The following ARPC5 variants were observed in gnomAD, a reference collection of about 807,000 sequenced individuals.
ARPC5 encodes the protein actin related protein 2/3 complex subunit 5, also known as actin-related protein 2/3 complex subunit 5.
Under a neutral mutation model 15.4 loss-of-function variants are expected in ARPC5, and 5 were observed. The observed-to-expected ratio is 0.32, with a 90% CI of 0.17 to 0.68. ARPC5 has a LOEUF of 0.68. ARPC5 is among the 30% of genes least tolerant of loss of function. ARPC5 has a pLI of 0.71. For missense variants in ARPC5, 138 were observed against 192.8 expected (o/e 0.72, Z 1.68); for synonymous variants, 85 against 72.2 (o/e 1.18, Z -0.90).
Position 183,622,885 on chromosome 1 carries a change from C to A in ARPC5, c.*4647G>T, listed in dbSNP as rs958953010. On this transcript the variant is annotated 3_prime_UTR_variant, in exon 4 of 4. Transcript: ENST00000359856. ...GTATTTGAACCCAAGAATTATTTTACTCTTTGTATAGTTCTCAATTTGTAC... is the reference window on the plus strand; with the variant it reads ...GTATTTGAACCCAAGAATTATTTTAATCTTTGTATAGTTCTCAATTTGTAC... 10 of 153,298 alleles carry A rather than the reference C, an allele frequency of 6.5e-5. No homozygotes were observed. Among genetic ancestry groups the A allele is most frequent in the Admixed American group, 1.9e-4 (3 of 15,478 alleles). 9.5% of individuals were successfully genotyped at this position (153,298 alleles called of 1,614,324 possible).
intron 2 of ARPC5, chr1:183,632,520 A>T (rs1244185056): frequency 6.6e-6 from 1 of 152,278 alleles, no homozygotes; most frequent in African/African-American, 2.4e-5. Flanking sequence ...AAAATGCTAT[A>T]AACTTATTGC....
chr1:183,635,185 C>A (rs1649428050), intron 1 of ARPC5, among the ~76,000 whole-genome samples: 1 of 152,238 alleles, frequency 6.6e-6, no homozygotes. Context: ...CCGGGGCCGC[C>A]TTCCCCAGCG....
At position 183,625,608 on chromosome 1, in the gene ARPC5, G is replaced by GA. The variant is rs1385322187; in HGVS notation, c.*1923dup. The GA allele has an allele frequency of 6.6e-6, 1 of 152,274 alleles. No homozygotes were observed. The highest frequency in any genetic ancestry group is 6.5e-5 in the Admixed American group (1 of 15,280). 9.4% of individuals were successfully genotyped at this position (152,274 alleles called of 1,614,324 possible). On this transcript the variant is annotated 3_prime_UTR_variant, in exon 4 of 4. Coordinates refer to ENST00000359856, the MANE Select transcript of ARPC5 (RefSeq NM_005717.4). ...TGTAGTTCCACCTTTTCGGGAGGCT[G>GA]AGGCAGGACTGCTTGAAGCCAGGAG...
At position 183,626,026 on chromosome 1, in the gene ARPC5, T is replaced by A. The variant is rs1443047540; in HGVS notation, c.*1506A>T. The A allele has an allele frequency of 6.6e-6, 1 of 152,218 alleles. No individual in the cohort carries two copies. Among genetic ancestry groups the A allele is most frequent in the African/African-American group, 2.4e-5 (1 of 41,448 alleles). The allele number at this position is 152,218 out of a possible 1,614,324, so 9.4% of individuals were successfully genotyped here. A position where few individuals can be genotyped will look rare whatever the true frequency, so the allele number is the denominator to read the frequency against. ...GGAATCACTCCAAAGGCTTCAGTAG[T>A]GCTCTGACATCATTCATGACTCTCT... On this transcript the variant is annotated 3_prime_UTR_variant, in exon 4 of 4. Transcript: ENST00000359856.
At chr1:183,628,355 G>A (rs1185609872) in intron 3 of ARPC5, among the ~76,000 whole-genome samples, 1 of 151,990 alleles carries the variant, frequency 6.6e-6, no homozygotes, top group East Asian at 1.9e-4. Context: ...CCCAAAGAAA[G>A]AAGGTATTGT....
intron 1 of ARPC5, chr1:183,633,660 A>G (rs2254972): frequency 0.53 from 80,399 of 152,190 alleles, 22,715 homozygotes; most frequent in African/African-American, 0.74. Flanking sequence ...CACATTAGCA[A>G]TCTCTCAATA....
intron 3 of ARPC5, among the ~76,000 whole-genome samples, chr1:183,629,242 C>A (rs1649196157): frequency 6.6e-6 from 1 of 152,180 alleles, no homozygotes; most frequent in Non-Finnish European, 1.5e-5. Flanking sequence ...AATAAGTAAT[C>A]AATGTTCACT....
chr1:183,623,015 T>C lies in ARPC5; in HGVS notation c.*4517A>G, dbSNP rs1391847266. ...ATGTTATGCAACCAAGAGATATTTG[T>C]TGAACATCAACTATGCCAAGTGAAT... On this transcript the variant is annotated 3_prime_UTR_variant, in exon 4 of 4. Coordinates refer to ENST00000359856, the MANE Select transcript of ARPC5 (RefSeq NM_005717.4). 5.8e-6 allele frequency: 1 copy of C among 171,078 alleles called. No individual in the cohort carries two copies. The highest frequency in any genetic ancestry group is 2.4e-5 in the African/African-American group (1 of 42,016). 10.6% of individuals were successfully genotyped at this position (171,078 alleles called of 1,614,324 possible). A position where few individuals can be genotyped will look rare whatever the true frequency, so the allele number is the denominator to read the frequency against.
At position 183,625,415 on chromosome 1, in the gene ARPC5, A is replaced by G. The variant is rs773048766; in HGVS notation, c.*2117T>C. The stretch of plus-strand genomic sequence containing the variant: ...ATACACCCACCCATTCTTGTGAACA[A>G]ATATGAACTCCAGAATTTTTCCAAA... On this transcript the variant is annotated 3_prime_UTR_variant, in exon 4 of 4. Transcript: ENST00000359856. 29 of 152,252 alleles carry G rather than the reference A, an allele frequency of 1.9e-4. No homozygotes were observed. The highest frequency in any genetic ancestry group is 1.2e-4 in the African/African-American group (5 of 41,466). The allele number at this position is 152,252 out of a possible 1,614,324, so 9.4% of individuals were successfully genotyped here.
intron 3 of ARPC5, among the ~76,000 whole-genome samples, chr1:183,629,083 G>A (rs1177618166): frequency 1.3e-5 from 2 of 152,188 alleles, no homozygotes; most frequent in African/African-American, 4.8e-5. Context: ...GTAAAAACTG[G>A]TGACTGACAT....
At chr1:183,632,973 T>G in intron 2 of ARPC5, 109 bp downstream of exon 2, 3 of 848,330 alleles carry the variant, frequency 3.5e-6, no homozygotes, top group Non-Finnish European at 5.6e-6. Flanking sequence ...AACTCTTCTA[T>G]GTCAAAGATA....
chr1:183,627,518 C>T lies in ARPC5; in HGVS notation c.*14G>A, dbSNP rs1558121037. 1.2e-6 allele frequency: 2 copies of T among 1,611,948 alleles called. No individual in the cohort carries two copies. The highest frequency in any genetic ancestry group is 1.1e-5 in the South Asian group (1 of 91,032). On this transcript the variant is annotated 3_prime_UTR_variant, in exon 4 of 4. Transcript: ENST00000359856. Reference sequence around the variant, plus strand: ...ATTCCCACTCCCGAGGCAGATAATCCACTTCCTGCCAGACTACACAGTTTT... The same window carrying T: ...ATTCCCACTCCCGAGGCAGATAATCTACTTCCTGCCAGACTACACAGTTTT...
Position 183,622,976 on chromosome 1 carries a change from A to G in ARPC5, c.*4556T>C, listed in dbSNP as rs1393946265. On this transcript the variant is annotated 3_prime_UTR_variant, in exon 4 of 4. Transcript: ENST00000359856. ...GTATAAATTAAGGATTTCTTAGGTGACTTGGCTCGTTCAATGTTATGCAAC... is the reference window on the plus strand; with the variant it reads ...GTATAAATTAAGGATTTCTTAGGTGGCTTGGCTCGTTCAATGTTATGCAAC... The G allele has an allele frequency of 1.2e-5, 2 of 163,400 alleles. No homozygotes were observed. Among genetic ancestry groups the G allele is most frequent in the African/African-American group, 4.8e-5 (2 of 41,696 alleles). 10.1% of individuals were successfully genotyped at this position (163,400 alleles called of 1,614,324 possible).
In ARPC5 at chr1:183,622,688, C is replaced by T. The variant is rs1279026776; in HGVS notation, c.*4844G>A. 6.6e-6 allele frequency: 1 copy of T among 152,250 alleles called. No homozygotes were observed. The highest frequency in any genetic ancestry group is 1.5e-5 in the Non-Finnish European group (1 of 68,060). The allele number at this position is 152,250 out of a possible 1,614,324, so 9.4% of individuals were successfully genotyped here. A position where few individuals can be genotyped will look rare whatever the true frequency, so the allele number is the denominator to read the frequency against. On this transcript the variant is annotated 3_prime_UTR_variant, in exon 4 of 4. Transcript: ENST00000359856. ...TGTTAGCCAGATATGAGCTGGAATTCTGTTCCTCAGCCACTTTCTCTGGTG... is the reference window on the plus strand; with the variant it reads ...TGTTAGCCAGATATGAGCTGGAATTTTGTTCCTCAGCCACTTTCTCTGGTG...
chr1:183,634,769 CGTT>C (rs956611303), intron 1 of ARPC5, among the ~76,000 whole-genome samples: 1 of 152,088 alleles, frequency 6.6e-6, no homozygotes, highest in Non-Finnish European at 1.5e-5. Flanking sequence ...ACGCATTCCC[CGTT>C]GTTTTTTCTA....
At position 183,623,198 on chromosome 1, in the gene ARPC5, CTCAATTT is replaced by C; in HGVS notation, c.*4327_*4333del. On this transcript the variant is annotated 3_prime_UTR_variant, in exon 4 of 4. Transcript: ENST00000359856. Reference sequence around the variant, plus strand: ...TGGAATTCAGGTGGGTCATACACTACTCAATTTGTGTTTCATGTGGTGTGGATTCTAG... The same window carrying C: ...TGGAATTCAGGTGGGTCATACACTACGTGTTTCATGTGGTGTGGATTCTAG... 1 of 556,394 alleles carries C rather than the reference CTCAATTT, an allele frequency of 1.8e-6. No homozygotes were observed. Among genetic ancestry groups the C allele is most frequent in the Non-Finnish European group, 3.2e-6 (1 of 310,716 alleles). The allele number at this position is 556,394 out of a possible 1,614,324, so 34.5% of individuals were successfully genotyped here. A position where few individuals can be genotyped will look rare whatever the true frequency, so the allele number is the denominator to read the frequency against.
intron 1 of ARPC5, chr1:183,633,671 T>C (rs894955885): frequency 5.3e-5 from 8 of 152,272 alleles, no homozygotes; most frequent in Non-Finnish European, 1.2e-4. Flanking sequence ...TCTCTCAATA[T>C]TGATGAAAAG....
chr1:183,635,318 C>T (rs987360898), intron 1 of ARPC5, among the ~76,000 whole-genome samples, 199 bp downstream of exon 1: 3 of 152,212 alleles, frequency 2.0e-5, no homozygotes, highest in Admixed American at 6.5e-5. Flanking sequence ...GGGACCCTCG[C>T]GTCTCCTGCC....
rs1213346642 is a variant in ARPC5 at position 183,622,400 on chromosome 1, C to T, written c.*5132G>A. 2 of 152,054 alleles carry T rather than the reference C, an allele frequency of 1.3e-5. No homozygotes were observed. The highest frequency in any genetic ancestry group is 2.4e-5 in the African/African-American group (1 of 41,394). 9.4% of individuals were successfully genotyped at this position (152,054 alleles called of 1,614,324 possible). Reference sequence around the variant, plus strand: ...GCAAATTGAAGAAAATCTTAGTTGCCCTGGCATCTTGATTCAATTTTTGGA... The same window carrying T: ...GCAAATTGAAGAAAATCTTAGTTGCTCTGGCATCTTGATTCAATTTTTGGA... On this transcript the variant is annotated 3_prime_UTR_variant, in exon 4 of 4. Transcript: ENST00000359856.
Sources: allele counts gnomAD v4.1 joint callset (sites outside exome capture counted in the v4.1 genomes callset), GRCh38; gene constraint gnomAD v4.1.1; transcripts MANE v1.5; gene names NCBI Gene and HGNC (gene_info 2026-07-23, HGNC 2026-07-21).